The following FOXP1 variants were observed in gnomAD, a reference collection of about 807,000 sequenced individuals.
The protein encoded by FOXP1 is forkhead box protein P1.
FOXP1 carries 15 observed loss-of-function variants against 98.2 expected under a neutral mutation model. The observed-to-expected ratio is 0.15, with a 90% CI of 0.10 to 0.24. The LOEUF (loss-of-function observed/expected upper bound fraction) is 0.24, where lower values mean the gene tolerates loss of function less well. Ranked by LOEUF, FOXP1 falls within the 10% of genes least tolerant of loss-of-function variation. The pLI is 1.00. For missense variants in FOXP1, 633 were observed against 848.5 expected, an observed-to-expected ratio of 0.75 and a Z score of 3.15; for synonymous variants, 371 against 314.5, an observed-to-expected ratio of 1.18 and a Z score of -1.90.
chr3:71,233,138 C>G (rs1369282503), intron 5 of FOXP1, among the ~76,000 whole-genome samples: 2 of 150,682 alleles, frequency 1.3e-5, no homozygotes, highest in African/African-American at 4.9e-5. Context: ...GAGTGAGACC[C>G]TATCTCCCCA....
At chr3:71,433,373 A>T (rs964331369) in intron 3 of FOXP1, among the ~76,000 whole-genome samples, 8 of 152,210 alleles carry the variant, frequency 5.3e-5, no homozygotes, top group Non-Finnish European at 1.0e-4. Flanking sequence ...CTACGTGTCT[A>T]TCAGAACAGA....
intron 10 of FOXP1, among the ~76,000 whole-genome samples, chr3:71,044,066 CA>C (rs1394032539): frequency 5.9e-5 from 9 of 152,222 alleles, no homozygotes; most frequent in Non-Finnish European, 1.0e-4. Context: ...TTTCCTCCAT[CA>C]ATGCCATATA....
Position 71,140,597 on chromosome 3 carries a change from G to A in FOXP1, c.181-27960C>T, listed in dbSNP as rs1208177519. 2.0e-5 allele frequency among the ~76,000 whole-genome samples: 3 copies of A among 152,068 alleles called. No homozygotes were observed. The East Asian group carries it at 5.8e-4, about 29-fold the overall frequency. ...CACTTTATGTCAGGCATTTGTATTC[G>A]CTATCCTTCCAATGACTTTTCAAGG... is the stretch of plus-strand genomic sequence containing the variant. On this transcript the variant is annotated intron_variant, in intron 6 of 20. Coordinates refer to ENST00000649528, the MANE Select transcript of FOXP1 (RefSeq NM_001349338.3).
chr3:71,218,698 C>A (rs561567040), intron 5 of FOXP1, among the ~76,000 whole-genome samples: 1 of 152,152 alleles, frequency 6.6e-6, no homozygotes, highest in Non-Finnish European at 1.5e-5. Flanking sequence ...TGTAAACAAA[C>A]GGGTGTGGCT....
At chr3:71,421,469 G>C (rs550936727) in intron 3 of FOXP1, among the ~76,000 whole-genome samples, 4 of 152,232 alleles carry the variant, frequency 2.6e-5, no homozygotes, top group African/African-American at 9.6e-5. Flanking sequence ...AAAATCGCTT[G>C]TGTTTCCTAA....
At chr3:71,491,186 T>G (rs1308721717) in intron 3 of FOXP1, among the ~76,000 whole-genome samples, 3 of 152,092 alleles carry the variant, frequency 2.0e-5, no homozygotes. Flanking sequence ...CAGCTAACTT[T>G]TGTATTTTTG....
intron 10 of FOXP1, among the ~76,000 whole-genome samples, chr3:71,044,821 G>C (rs17008162): frequency 0.033 from 4,972 of 152,226 alleles, 278 homozygotes; most frequent in African/African-American, 0.11. Context: ...ACAACCCCAG[G>C]TATCACTGGC....
At chr3:71,086,164 G>C (rs1197594985) in intron 7 of FOXP1, among the ~76,000 whole-genome samples, 3 of 152,154 alleles carry the variant, frequency 2.0e-5, no homozygotes, top group Non-Finnish European at 4.4e-5. Context: ...TCTAGCATTG[G>C]AACTGCAAAT....
At chr3:70,988,263 A>T (rs542280238) in intron 13 of FOXP1, among the ~76,000 whole-genome samples, 186 bp from the exon 14 acceptor site, 1 of 152,314 alleles carries the variant, frequency 6.6e-6, no homozygotes, top group Non-Finnish European at 1.5e-5. Context: ...TTGGTGTGAG[A>T]TTTCTCAACA....
intron 4 of FOXP1, among the ~76,000 whole-genome samples, chr3:71,317,614 T>C (rs1292865952): frequency 6.6e-6 from 1 of 152,218 alleles, no homozygotes; most frequent in African/African-American, 2.4e-5. Flanking sequence ...AATTCTTTCA[T>C]TTCCTAAAAC....
At chr3:71,062,596 T>G (rs1233620402) in intron 7 of FOXP1, among the ~76,000 whole-genome samples, 1 of 152,250 alleles carries the variant, frequency 6.6e-6, no homozygotes. Flanking sequence ...AATCAACCCA[T>G]GCTTACAAGT....
rs551257657 is a variant in FOXP1 at position 70,956,140 on chromosome 3, T to G, written c.*3107A>C. 6.0e-5 allele frequency: 14 copies of G among 233,234 alleles called. No homozygotes were observed. The South Asian group carries it at 2.5e-3, about 42-fold the overall frequency. 14.4% of individuals were successfully genotyped at this position (233,234 alleles called of 1,614,324 possible). On this transcript the variant is annotated 3_prime_UTR_variant, in exon 21 of 21. Transcript: ENST00000649528. Reference sequence around the variant, plus strand: ...AAAGGTGTTTTGACAAACAGGTGTATGCATTTATTCCTTTTTAGGAACAAT... The same window carrying G: ...AAAGGTGTTTTGACAAACAGGTGTAGGCATTTATTCCTTTTTAGGAACAAT...
chr3:70,963,914 T>A (rs2034161198), intron 20 of FOXP1, among the ~76,000 whole-genome samples: 1 of 152,206 alleles, frequency 6.6e-6, no homozygotes, highest in Admixed American at 6.5e-5. Context: ...CTAGGCCGCC[T>A]TCCTAACAAG....
intron 15 of FOXP1, 32 bp from the exon 16 acceptor site, chr3:70,977,754 A>G: frequency 6.2e-7 from 1 of 1,612,528 alleles, no homozygotes; most frequent in Non-Finnish European, 8.5e-7. Context: ...ATTAATTATC[A>G]CTTTTTCAAA....
chr3:70,972,214 G>C (rs1188443349), intron 18 of FOXP1: 2 of 1,490,632 alleles, frequency 1.3e-6, no homozygotes, highest in African/African-American at 2.8e-5. Flanking sequence ...GAGATGGAGT[G>C]GCAACAAAAG....
intron 3 of FOXP1, among the ~76,000 whole-genome samples, chr3:71,374,786 A>G (rs2079600143): frequency 6.6e-6 from 1 of 152,204 alleles, no homozygotes; most frequent in Non-Finnish European, 1.5e-5. Flanking sequence ...AGCTGGAGAC[A>G]CTGAACACAT....
chr3:71,261,469 C>T (rs895407527), intron 5 of FOXP1, among the ~76,000 whole-genome samples: 2 of 150,746 alleles, frequency 1.3e-5, no homozygotes, highest in South Asian at 2.1e-4. Context: ...CTTTTATTTC[C>T]GATAGTTAGA....
chr3:71,555,369 G>T (rs976838305), intron 2 of FOXP1, among the ~76,000 whole-genome samples: 3 of 152,176 alleles, frequency 2.0e-5, no homozygotes, highest in East Asian at 1.9e-4. Context: ...GGAGAAAAGG[G>T]ATTGCTGGTC....
chr3:71,408,367 T>C (rs1262198413), intron 3 of FOXP1, among the ~76,000 whole-genome samples: 1 of 152,116 alleles, frequency 6.6e-6, no homozygotes, highest in Non-Finnish European at 1.5e-5. Context: ...TTTTGAAAAA[T>C]AATTTTAAAG....
Sources: allele counts gnomAD v4.1 joint callset (sites outside exome capture counted in the v4.1 genomes callset), GRCh38; gene constraint gnomAD v4.1.1; transcripts MANE v1.5; gene names NCBI Gene and HGNC (gene_info 2026-07-23, HGNC 2026-07-21).